ABTB2: variants seen among roughly 807,000 people sequenced by gnomAD.
ABTB2 encodes the protein ankyrin repeat and BTB/POZ domain-containing protein 2.
Under a neutral mutation model 104.1 loss-of-function variants are expected in ABTB2, and 56 were observed. The ratio of observed to expected loss-of-function variants is 0.54; its 90% CI spans 0.43 to 0.67. The LOEUF (loss-of-function observed/expected upper bound fraction) is 0.67, where lower values mean the gene tolerates loss of function less well. Ranked by LOEUF, ABTB2 falls within the 30% of genes least tolerant of loss-of-function variation. ABTB2 has a pLI of 0.00. For missense variants in ABTB2, 1,279 were observed against 1,407.7 expected (o/e 0.91, Z 1.46); for synonymous variants, 606 against 608.2 (o/e 1.00, Z 0.05).
intron 4 of ABTB2, among the ~76,000 whole-genome samples, chr11:34,171,438 G>C (rs1852872680): frequency 6.6e-6 from 1 of 152,102 alleles, no homozygotes; most frequent in Non-Finnish European, 1.5e-5. Flanking sequence ...AGCCAGGCGT[G>C]GTAGCATGTG....
chr11:34,339,300 T>C (rs192647738), intron 1 of ABTB2, among the ~76,000 whole-genome samples: 249 of 151,968 alleles, frequency 1.6e-3, no homozygotes, highest in African/African-American at 5.8e-3. Flanking sequence ...CGGCAATGAG[T>C]GACTTAAGGG....
At chr11:34,209,464 A>G (rs1218507366) in intron 1 of ABTB2, among the ~76,000 whole-genome samples, 1 of 142,074 alleles carries the variant, frequency 7.0e-6, no homozygotes, top group Admixed American at 7.2e-5. Context: ...ACCTCCCAAG[A>G]TATCAGCAGA....
intron 3 of ABTB2, among the ~76,000 whole-genome samples, chr11:34,180,673 A>C (rs552542735): frequency 5.3e-5 from 8 of 152,326 alleles, no homozygotes; most frequent in Non-Finnish European, 1.2e-4. Context: ...AGGAAAAGGA[A>C]ACCCAGAGAG....
chr11:34,191,837 C>A (rs969086583), intron 3 of ABTB2, among the ~76,000 whole-genome samples: 2 of 152,170 alleles, frequency 1.3e-5, no homozygotes, highest in African/African-American at 2.4e-5. Context: ...CAACAGTGCC[C>A]GTGTTCCCTT....
At chr11:34,180,582 C>T (rs1424007950) in intron 3 of ABTB2, among the ~76,000 whole-genome samples, 2 of 152,216 alleles carry the variant, frequency 1.3e-5, no homozygotes, top group African/African-American at 4.8e-5. Flanking sequence ...AAGGGCAGCA[C>T]ATGAAATAGA....
chr11:34,269,776 A>G (rs1391194920), intron 1 of ABTB2, among the ~76,000 whole-genome samples: 1 of 152,026 alleles, frequency 6.6e-6, no homozygotes, highest in East Asian at 1.9e-4. Context: ...TAGCTTGTCA[A>G]CTCCTGATTT....
chr11:34,274,877 C>T (rs951373658), intron 1 of ABTB2, among the ~76,000 whole-genome samples: 3 of 152,172 alleles, frequency 2.0e-5, no homozygotes, highest in Non-Finnish European at 4.4e-5. Context: ...AGCCAGCTCT[C>T]ATCCTCAGGC....
intron 1 of ABTB2, among the ~76,000 whole-genome samples, chr11:34,257,054 T>C (rs1854132103): frequency 6.6e-6 from 1 of 152,174 alleles, no homozygotes; most frequent in African/African-American, 2.4e-5. Flanking sequence ...TTAAGAAATA[T>C]TAAAGTTCTG....
intron 5 of ABTB2, among the ~76,000 whole-genome samples, chr11:34,169,108 C>T (rs1360974643): frequency 6.6e-6 from 1 of 152,126 alleles, no homozygotes; most frequent in African/African-American, 2.4e-5. Context: ...AGACAAAGGC[C>T]AACACCACAG....
At chr11:34,225,169 T>C (rs1444918118) in intron 1 of ABTB2, among the ~76,000 whole-genome samples, 1 of 152,180 alleles carries the variant, frequency 6.6e-6, no homozygotes, top group African/African-American at 2.4e-5. Flanking sequence ...CTCCAATTGC[T>C]CAGCTAATGA....
In ABTB2 at chr11:34,197,338, A is replaced by G; in HGVS notation, c.1231T>C (p.Leu411=). The G allele has an allele frequency of 6.2e-7, 1 of 1,614,042 alleles. No homozygotes were observed. The highest frequency in any genetic ancestry group is 8.5e-7 in the Non-Finnish European group (1 of 1,179,980). The change falls in exon 3 of 17, where the codon TTG becomes CTG. Residue 411 remains leucine (L), a synonymous_variant. Transcript: ENST00000435224. ...GAAGATCCCTACCGTTCATTGTTCAAGGTCATTCTCGGGGGGTCCAGGTTG... is the reference window on the plus strand; with the variant it reads ...GAAGATCCCTACCGTTCATTGTTCAGGGTCATTCTCGGGGGGTCCAGGTTG... The part of the protein sequence containing the change: ...NPNLDPPRMT[L]NNERPFMLLP...
At chr11:34,342,533 T>A (rs1855273816) in intron 1 of ABTB2, among the ~76,000 whole-genome samples, 1 of 152,244 alleles carries the variant, frequency 6.6e-6, no homozygotes, top group Admixed American at 6.5e-5. Context: ...ACTAGCTATG[T>A]CACCTGAACT....
In ABTB2 at chr11:34,336,031, A is replaced by T; in HGVS notation, c.883+20670T>A. Reference sequence around the variant, plus strand: ...TACTGGAGGGGACAGTTCACTAAATAGCTTTCCTTTGGTAAAGTTATTCCA... The same window carrying T: ...TACTGGAGGGGACAGTTCACTAAATTGCTTTCCTTTGGTAAAGTTATTCCA... On this transcript the variant is annotated intron_variant, in intron 1 of 16. Coordinates refer to ENST00000435224, the MANE Select transcript of ABTB2 (RefSeq NM_145804.3). 6.7e-6 allele frequency: 3 copies of T among 445,632 alleles called. No individual in the cohort carries two copies. In the South Asian group the frequency reaches 1.1e-4, roughly 16 times the overall value. The allele number at this position is 445,632 out of a possible 1,614,324, so 27.6% of individuals were successfully genotyped here.
intron 1 of ABTB2, among the ~76,000 whole-genome samples, chr11:34,340,389 C>G (rs1855248569): frequency 6.6e-6 from 1 of 152,316 alleles, no homozygotes; most frequent in East Asian, 1.9e-4. Context: ...ATTCGCACAA[C>G]CAGCCTGCCA....
At position 34,160,949 on chromosome 11, in the gene ABTB2, A is replaced by G. The variant is rs1263451696; in HGVS notation, c.2351T>C (p.Val784Ala). 1 of 1,613,260 alleles carries G rather than the reference A, an allele frequency of 6.2e-7. No homozygotes were observed. Among genetic ancestry groups the G allele is most frequent in the Admixed American group, 1.7e-5 (1 of 59,946 alleles). ...IREEEYNEEL[V>A]TEGLQLMFDI... is the part of the protein sequence containing the mutation. Reference sequence around the variant, plus strand: ...GAACATGAGCTGCAAGCCCTCGGTCACCAGCTCCTCGTTGTACTCCTCCTC... The same window carrying G: ...GAACATGAGCTGCAAGCCCTCGGTCGCCAGCTCCTCGTTGTACTCCTCCTC... The change falls in exon 11 of 17, where the codon GTG (valine) becomes GCG (alanine). Residue 784 changes from valine (V) to alanine (A), a missense_variant. Physicochemically the swap from Val to Ala is moderately conservative, Grantham distance 64. Transcript: ENST00000435224.
At position 34,197,425 on chromosome 11, in the gene ABTB2, C is replaced by CG; in HGVS notation, c.1143dup (p.Asp382ArgfsTer33). On this transcript the variant is annotated frameshift_variant, in exon 3 of 17. Transcript: ENST00000435224. LOFTEE classifies it high-confidence loss of function. Reference sequence around the variant, plus strand: ...AAGTAGTAGAGCGTGTGGAGGGCGTCGGGGGACCAAGTGATGGGCTGTGGC... The same window carrying CG: ...AAGTAGTAGAGCGTGTGGAGGGCGTCGGGGGGACCAAGTGATGGGCTGTGGC... 6.2e-7 allele frequency: 1 copy of CG among 1,607,602 alleles called. No homozygotes were observed.
intron 1 of ABTB2, among the ~76,000 whole-genome samples, chr11:34,275,542 C>A (rs1854373160): frequency 6.6e-6 from 1 of 151,970 alleles, no homozygotes; most frequent in Non-Finnish European, 1.5e-5. Context: ...CCCTTGATAT[C>A]CTGCCTAGAA....
At chr11:34,216,219 C>T (rs1044471150) in intron 1 of ABTB2, among the ~76,000 whole-genome samples, 4 of 152,128 alleles carry the variant, frequency 2.6e-5, no homozygotes, top group African/African-American at 9.7e-5. Context: ...CTAAGCCAGA[C>T]TACCTAGGCT....
chr11:34,304,637 T>G (rs570459254), intron 1 of ABTB2, among the ~76,000 whole-genome samples: 1 of 150,520 alleles, frequency 6.6e-6, no homozygotes, highest in African/African-American at 2.4e-5. Flanking sequence ...CTGGGCAATA[T>G]GGGGAGACAA....
Sources: allele counts gnomAD v4.1 joint callset (sites outside exome capture counted in the v4.1 genomes callset), GRCh38; gene constraint gnomAD v4.1.1; transcripts MANE v1.5; gene names NCBI Gene and HGNC (gene_info 2026-07-23, HGNC 2026-07-21).